CSE1L: variants seen among roughly 807,000 people sequenced by gnomAD.
CSE1L encodes the protein exportin-2.
CSE1L carries 24 observed loss-of-function variants against 120.4 expected under a neutral mutation model. The ratio of observed to expected loss-of-function variants is 0.20; its 90% confidence interval spans 0.14 to 0.28. The LOEUF (loss-of-function observed/expected upper bound fraction) is 0.28. Ranked by LOEUF, CSE1L falls within the 10% of genes least tolerant of loss-of-function variation. The pLI, the probability that CSE1L is intolerant of heterozygous loss-of-function variation, is 1.00. For missense variants in CSE1L, 830 were observed against 1,145.2 expected, an observed-to-expected ratio of 0.72 and a Z score of 3.97; for synonymous variants, 402 against 398.3, an observed-to-expected ratio of 1.01 and a Z score of -0.11.
intron 1 of CSE1L, among the ~76,000 whole-genome samples, chr20:49,055,860 G>A (rs1444351212): frequency 6.6e-6 from 1 of 151,532 alleles, no homozygotes; most frequent in African/African-American, 2.4e-5. Flanking sequence ...TTTGGAGTGT[G>A]TTTTTTGTTT....
chr20:49,051,705 A>G (rs533662859), intron 1 of CSE1L, among the ~76,000 whole-genome samples: 2 of 152,338 alleles, frequency 1.3e-5, no homozygotes, highest in African/African-American at 4.8e-5. Flanking sequence ...GATAAATTTT[A>G]TCTTTTTTCA....
At position 49,077,117 on chromosome 20, in the gene CSE1L, TC is replaced by T. The variant is rs1262653701; in HGVS notation, c.1420+54del. On this transcript the variant is annotated intron_variant, in intron 13 of 24. Coordinates refer to ENST00000262982, the MANE Select transcript of CSE1L (RefSeq NM_001316.4). The stretch of plus-strand genomic sequence containing the variant: ...ACAGCTTGCCACACTATACCTGAAT[TC>T]AAAAAACAGCTTCCTATCCTTGTTC... 3 of 1,026,356 alleles carry T rather than the reference TC, an allele frequency of 2.9e-6. No homozygotes were observed. The African/African-American group carries it at 4.9e-5, about 17-fold the overall frequency. 63.6% of individuals were successfully genotyped at this position (1,026,356 alleles called of 1,614,324 possible).
intron 22 of CSE1L, among the ~76,000 whole-genome samples, chr20:49,093,487 C>T (rs2092116262): frequency 6.6e-6 from 1 of 151,134 alleles, no homozygotes; most frequent in East Asian, 1.9e-4. Context: ...AGTTGGGAAG[C>T]TTATAACCCA....
chr20:49,095,038 G>A, intron 24 of CSE1L, 75 bp downstream of exon 24: 2 of 1,147,910 alleles, frequency 1.7e-6, no homozygotes, highest in East Asian at 2.4e-5. Context: ...AGTAGTTCTG[G>A]TGTCTGTTTT....
intron 14 of CSE1L, among the ~76,000 whole-genome samples, chr20:49,080,809 T>G (rs1414760139): frequency 6.6e-6 from 1 of 152,088 alleles, no homozygotes; most frequent in Non-Finnish European, 1.5e-5. Flanking sequence ...AGTCTTACAG[T>G]CTGTTGGCCA....
At chr20:49,081,888 A>G (rs1231791891) in intron 14 of CSE1L, among the ~76,000 whole-genome samples, 1 of 152,174 alleles carries the variant, frequency 6.6e-6, no homozygotes, top group Non-Finnish European at 1.5e-5. Context: ...AATCCTCACA[A>G]ATCTTAAAAC....
intron 1 of CSE1L, among the ~76,000 whole-genome samples, chr20:49,056,163 G>A (rs2091805182): frequency 6.6e-6 from 1 of 151,586 alleles, no homozygotes; most frequent in Non-Finnish European, 1.5e-5. Context: ...CTGGAGTGCA[G>A]TGGCACAATC....
intron 15 of CSE1L, 106 bp downstream of exon 15, chr20:49,084,268 C>T: frequency 8.6e-7 from 1 of 1,168,256 alleles, no homozygotes. Context: ...AAACAAATGT[C>T]TGCTTTCTAT....
chr20:49,086,590 C>T (rs959834140), intron 16 of CSE1L, among the ~76,000 whole-genome samples: 1 of 151,940 alleles, frequency 6.6e-6, no homozygotes, highest in African/African-American at 2.4e-5. Flanking sequence ...GTCTTGAACT[C>T]CCGACCTCAG....
At chr20:49,048,294 G>A (rs2091737975) in intron 1 of CSE1L, among the ~76,000 whole-genome samples, 1 of 152,044 alleles carries the variant, frequency 6.6e-6, no homozygotes, top group African/African-American at 2.4e-5. Context: ...TGGGGTCTGG[G>A]ACAGGATTGG....
chr20:49,076,613 T>C (rs752460595), intron 12 of CSE1L, among the ~76,000 whole-genome samples: 3 of 134,108 alleles, frequency 2.2e-5, no homozygotes, highest in Non-Finnish European at 4.7e-5. Context: ...TACTGCAACC[T>C]CTGCCTCCCG....
intron 21 of CSE1L, among the ~76,000 whole-genome samples, chr20:49,091,482 C>T (rs2145755060): frequency 6.7e-6 from 1 of 148,336 alleles, no homozygotes; most frequent in East Asian, 2.0e-4. Flanking sequence ...ATCTGTAATC[C>T]CAGCACTTTG....
intron 14 of CSE1L, among the ~76,000 whole-genome samples, chr20:49,079,080 C>G (rs2091990545): frequency 1.3e-5 from 2 of 151,908 alleles, no homozygotes; most frequent in African/African-American, 4.8e-5. Flanking sequence ...TTCAGTAGAT[C>G]CGGGGTTTCC....
intron 19 of CSE1L, among the ~76,000 whole-genome samples, chr20:49,090,360 C>T (rs1465348121): frequency 1.3e-5 from 2 of 152,150 alleles, no homozygotes. Context: ...GAGTTCAAGA[C>T]CAGCCTGGCC....
At chr20:49,081,074 C>A (rs1030099426) in intron 14 of CSE1L, among the ~76,000 whole-genome samples, 1 of 149,548 alleles carries the variant, frequency 6.7e-6, no homozygotes, top group African/African-American at 2.5e-5. Context: ...GCCTCCACCT[C>A]CCAGGTTCAA....
At chr20:49,065,304 GAAAAA>G (rs73623295) in intron 3 of CSE1L, among the ~76,000 whole-genome samples, 4 of 73,162 alleles carry the variant, frequency 5.5e-5, no homozygotes, top group African/African-American at 1.9e-4. Context: ...CATATGAAAT[GAAAAA>G]AAAATTTTTT....
intron 12 of CSE1L, among the ~76,000 whole-genome samples, chr20:49,076,473 A>G (rs1037713173): frequency 7.4e-6 from 1 of 135,360 alleles, no homozygotes; most frequent in Non-Finnish European, 1.6e-5. Flanking sequence ...AGCATGAGCC[A>G]CCATGCCTAG....
intron 14 of CSE1L, 131 bp from the exon 15 acceptor site, chr20:49,083,895 C>T: frequency 1.2e-6 from 1 of 864,548 alleles, no homozygotes; most frequent in Admixed American, 2.9e-5. Context: ...TGGGCAGCAG[C>T]ATCTCCTATT....
chr20:49,064,089 G>A (rs575048390), intron 3 of CSE1L, among the ~76,000 whole-genome samples: 1 of 152,286 alleles, frequency 6.6e-6, no homozygotes, highest in Admixed American at 6.5e-5. Context: ...ATTGCTACTG[G>A]AATCTAGTGG....
Sources: allele counts gnomAD v4.1 joint callset (sites outside exome capture counted in the v4.1 genomes callset), GRCh38; gene constraint gnomAD v4.1.1; transcripts MANE v1.5; gene names NCBI Gene and HGNC (gene_info 2026-07-23, HGNC 2026-07-21).